Variants in ATG4A observed in about 807,000 individuals in gnomAD.
ATG4A encodes the protein autophagy related 4A cysteine peptidase, also known as cysteine protease ATG4A.
ATG4A carries 22 observed loss-of-function variants against 38.4 expected under a neutral mutation model. The observed-to-expected ratio is 0.57, with a 90% CI of 0.41 to 0.82. ATG4A has a LOEUF of 0.82. Ranked by LOEUF, ATG4A falls within the 40% of genes least tolerant of loss-of-function variation. The probability of loss-of-function intolerance (pLI) is 0.00; values close to 1 mark genes in which losing one functional copy is unlikely to be tolerated. For synonymous variants in ATG4A, 86 were observed against 100.7 expected, an observed-to-expected ratio of 0.85 and a Z score of 0.88; for missense variants, 220 against 290.0, an observed-to-expected ratio of 0.76 and a Z score of 1.75.
intron 1 of ATG4A, among the ~76,000 whole-genome samples, chrX:108,125,735 A>T (rs1231746953): frequency 8.9e-6 from 1 of 111,800 alleles, no homozygotes; most frequent in African/African-American, 3.3e-5. Flanking sequence ...GTATTGTATC[A>T]CCTCAACACA....
intron 11 of ATG4A, chrX:108,152,088 T>C (rs1358331767): frequency 3.2e-6 from 1 of 315,603 alleles, no homozygotes; most frequent in Non-Finnish European, 5.6e-6. Flanking sequence ...GGGAGTGATA[T>C]TTTTAGTGAT....
chrX:108,091,258 TC>T (rs2147945092), upstream of ATG4A: 4 of 505,689 alleles, frequency 7.9e-6, no homozygotes, highest in East Asian at 1.4e-4. Flanking sequence ...CTATCGCGAG[TC>T]CCGAGGTGAC....
Position 108,095,899 on chromosome X carries a change from G to A in ATG4A, c.10+4063G>A, listed in dbSNP as rs941641115. On this transcript the variant is annotated intron_variant, in intron 1 of 12. Transcript: ENST00000372232. ...TAATTTTTGTATTTTTAGTAGAGAC[G>A]GGGTTTTGCCGTGTTGGCCAGGCTG... Among the ~76,000 whole-genome samples the A allele has an allele frequency of 2.7e-4, 30 of 110,089 alleles. 1 individual carries two copies. Among genetic ancestry groups the A allele is most frequent in the Non-Finnish European group, 7.6e-5 (4 of 52,699 alleles).
At chrX:108,127,615 C>T (rs755477935) in intron 2 of ATG4A, among the ~76,000 whole-genome samples, 1 of 111,950 alleles carries the variant, frequency 8.9e-6, no homozygotes, top group Admixed American at 9.4e-5. Flanking sequence ...CATTATACAT[C>T]TGCTTCCCTG....
At chrX:108,136,824 TC>T (rs1375833297) in intron 6 of ATG4A, among the ~76,000 whole-genome samples, 1 of 111,843 alleles carries the variant, frequency 8.9e-6, no homozygotes, top group Non-Finnish European at 1.9e-5. Flanking sequence ...CCAGTAGGTG[TC>T]CCGTCATTTT....
intron 9 of ATG4A, among the ~76,000 whole-genome samples, chrX:108,141,056 ACGTG>A (rs1390615686): frequency 2.1e-5 from 1 of 47,723 alleles, no homozygotes; most frequent in Non-Finnish European, 3.7e-5. Flanking sequence ...ATACATATAT[ACGTG>A]TATATATATA....
chrX:108,129,002 A>C, intron 3 of ATG4A, 150 bp downstream of exon 3: 1 of 348,464 alleles, frequency 2.9e-6, no homozygotes, highest in Non-Finnish European at 4.9e-6. Flanking sequence ...CTTCATCCAA[A>C]AGTTTCATTG....
intron 1 of ATG4A, 116 bp downstream of exon 1, chrX:108,091,952 G>C (rs772423343): frequency 1.8e-6 from 2 of 1,114,811 alleles, no homozygotes; most frequent in African/African-American, 3.7e-5. Context: ...AGTTATGAGA[G>C]CCTAAAGGTC....
intron 1 of ATG4A, among the ~76,000 whole-genome samples, chrX:108,121,919 C>G (rs983176504): frequency 2.7e-5 from 3 of 111,727 alleles, no homozygotes; most frequent in African/African-American, 9.8e-5. Context: ...GGATGTTGTC[C>G]CAAGTTCTTT....
At position 108,118,836 on chromosome X, in the gene ATG4A, T is replaced by C. The variant is rs1403420872; in HGVS notation, c.11-7241T>C. ...CTCAATTTCCTCCTTTTGTGCATTT[T>C]GACAGCACTTAGTTATTATTAACAC... On this transcript the variant is annotated intron_variant, in intron 1 of 12. Coordinates refer to ENST00000372232, the MANE Select transcript of ATG4A (RefSeq NM_052936.5). Among the ~76,000 whole-genome samples, 8 of 112,368 alleles carry C rather than the reference T, an allele frequency of 7.1e-5. No individual in the cohort carries two copies. In the Admixed American group the frequency reaches 7.5e-4, roughly 11 times the overall value.
At chrX:108,151,924 G>A (rs2033597645) in intron 11 of ATG4A, 66 bp downstream of exon 11, 3 of 994,189 alleles carry the variant, frequency 3.0e-6, no homozygotes, top group East Asian at 6.2e-5. Context: ...TTTCAAGATT[G>A]TTTTTCATAG....
chrX:108,126,511 G>A (rs112427057), intron 2 of ATG4A, among the ~76,000 whole-genome samples: 131 of 111,807 alleles, frequency 1.2e-3, no homozygotes, highest in African/African-American at 3.9e-3. Context: ...AAAAAACACG[G>A]ACCCACTCCT....
intron 9 of ATG4A, among the ~76,000 whole-genome samples, chrX:108,149,787 C>G (rs1156673145): frequency 8.9e-6 from 1 of 112,237 alleles, no homozygotes; most frequent in African/African-American, 3.2e-5. Context: ...AGAAAGCTCC[C>G]TAATGGTACC....
intron 1 of ATG4A, among the ~76,000 whole-genome samples, chrX:108,108,873 T>A (rs1436140142): frequency 8.9e-6 from 1 of 112,177 alleles, no homozygotes; most frequent in Non-Finnish European, 1.9e-5. Flanking sequence ...TAGTCTTTTT[T>A]GTGACTGAGA....
At chrX:108,118,776 C>T (rs1031856683) in intron 1 of ATG4A, among the ~76,000 whole-genome samples, 3 of 112,256 alleles carry the variant, frequency 2.7e-5, no homozygotes, top group Non-Finnish European at 3.8e-5. Flanking sequence ...CCAAATTCTA[C>T]TCGCTCCTTA....
chrX:108,153,029 A>G lies in ATG4A; in HGVS notation c.1068A>G (p.Pro356=), dbSNP rs189629584. ...LRMFELVQKH[P]SHWPPFVPPA... is the part of the protein sequence containing the mutation. ...TGTTTGAATTAGTTCAGAAACATCC[A>G]TCACACTGGCCTCCCTTTGTACCTC... is the stretch of plus-strand genomic sequence containing the variant. The change falls in exon 12 of 13, where the codon CCA becomes CCG. Residue 356 remains proline (P), a synonymous_variant. Transcript: ENST00000372232. 8.3e-7 allele frequency: 1 copy of G among 1,210,257 alleles called. No individual in the cohort carries two copies. The highest frequency in any genetic ancestry group is 3.0e-5 in the East Asian group (1 of 33,791).
chrX:108,134,459 T>C (rs777021600), intron 6 of ATG4A, 48 bp downstream of exon 6: 2 of 1,107,993 alleles, frequency 1.8e-6, no homozygotes, highest in East Asian at 6.1e-5. Flanking sequence ...TCTCCTATGC[T>C]TCCCTCCCTA....
intron 3 of ATG4A, among the ~76,000 whole-genome samples, chrX:108,129,961 C>T (rs2032913312): frequency 1.9e-5 from 2 of 107,381 alleles, no homozygotes; most frequent in Admixed American, 2.0e-4. Context: ...TGGTTCTGAA[C>T]TGTTAACTTT....
chrX:108,098,227 A>G (rs768912014), intron 1 of ATG4A, among the ~76,000 whole-genome samples: 2 of 111,367 alleles, frequency 1.8e-5, no homozygotes, highest in South Asian at 7.6e-4. Flanking sequence ...GGCTATACAA[A>G]CCTTCCCCAT....
Sources: allele counts gnomAD v4.1 joint callset (sites outside exome capture counted in the v4.1 genomes callset), GRCh38; gene constraint gnomAD v4.1.1; transcripts MANE v1.5; gene names NCBI Gene and HGNC (gene_info 2026-07-23, HGNC 2026-07-21).